The following THSD4 variants were observed in gnomAD, a reference collection of about 807,000 sequenced individuals.
THSD4 encodes thrombospondin type 1 domain containing 4, also known as thrombospondin type-1 domain-containing protein 4.
A neutral mutation model predicts 119.0 loss-of-function variants in THSD4; 69 were observed. That is an observed-to-expected ratio of 0.58 (90% CI 0.48 to 0.71). The LOEUF is 0.71. Ranked by LOEUF, THSD4 falls within the 30% of genes least tolerant of loss-of-function variation. The pLI is 0.00. For synonymous variants in THSD4, 524 were observed against 540.4 expected (o/e 0.97, Z 0.42); for missense variants, 1,393 against 1,391.1 (o/e 1.00, Z -0.02).
chr15:71,407,447 T>A (rs1164850684), intron 6 of THSD4, among the ~76,000 whole-genome samples: 1 of 152,204 alleles, frequency 6.6e-6, no homozygotes, highest in Non-Finnish European at 1.5e-5. Context: ...TTATTACTTT[T>A]TAAAAACTCT....
chr15:71,341,047 C>A, intron 6 of THSD4: 1 of 762,502 alleles, frequency 1.3e-6, no homozygotes, highest in Non-Finnish European at 2.1e-6. Context: ...CCTCTCTCTC[C>A]CATTTCTTTT....
chr15:71,299,978 T>A (rs3985599), intron 6 of THSD4, among the ~76,000 whole-genome samples: 873 of 33,248 alleles, frequency 0.026, 4 homozygotes, highest in Non-Finnish European at 0.039. Flanking sequence ...AAAAAAAAAA[T>A]ATATATATAT....
rs77445759 is a variant in THSD4, at chr15:71,364,630, T to C, written c.1016-47057T>C. Among the ~76,000 whole-genome samples, 358 of 152,364 alleles carry C rather than the reference T, an allele frequency of 2.3e-3. 4 individuals are homozygous for C. Among genetic ancestry groups the C allele is most frequent in the African/African-American group, 8.1e-3 (337 of 41,588 alleles). ...AGGTGACCTGTGTGTCAATTCCTAA[T>C]GGGTGAGTAGCTGTTTTGTACATCA... On this transcript the variant is annotated intron_variant, in intron 6 of 17. Coordinates refer to ENST00000261862, the MANE Select transcript of THSD4 (RefSeq NM_024817.3).
intron 11 of THSD4, among the ~76,000 whole-genome samples, chr15:71,738,765 G>C (rs767137665): frequency 6.6e-6 from 1 of 152,004 alleles, no homozygotes; most frequent in Non-Finnish European, 1.5e-5. Flanking sequence ...TCTCGTCTAG[G>C]TATGCAGCTC....
At chr15:71,642,607 A>C (rs2050882596) in intron 7 of THSD4, among the ~76,000 whole-genome samples, 1 of 152,230 alleles carries the variant, frequency 6.6e-6, no homozygotes, top group Non-Finnish European at 1.5e-5. Context: ...ACACCATGGA[A>C]TACTATGCAG....
intron 8 of THSD4, among the ~76,000 whole-genome samples, chr15:71,678,111 C>G (rs1374853270): frequency 6.6e-6 from 1 of 152,208 alleles, no homozygotes; most frequent in African/African-American, 2.4e-5. Flanking sequence ...GTGGTTAACA[C>G]TGTCCCTAGA....
chr15:71,197,316 C>T (rs1021520713), intron 3 of THSD4, among the ~76,000 whole-genome samples: 3 of 152,170 alleles, frequency 2.0e-5, no homozygotes, highest in African/African-American at 7.2e-5. Context: ...GGCCTTCCTG[C>T]CAGATGCAGG....
intron 4 of THSD4, among the ~76,000 whole-genome samples, chr15:71,235,746 C>T (rs892351927): frequency 2.6e-5 from 4 of 152,066 alleles, no homozygotes; most frequent in South Asian, 2.1e-4. Context: ...GCACCCATCA[C>T]GCCTGGCCAA....
At chr15:71,136,254 T>C (rs2040551342) in intron 1 of THSD4, among the ~76,000 whole-genome samples, 1 of 152,134 alleles carries the variant, frequency 6.6e-6, no homozygotes, top group African/African-American at 2.4e-5. Flanking sequence ...ACTGCCCTGA[T>C]GTCGGGAGCC....
chr15:71,249,114 T>TAC (rs201802246), intron 5 of THSD4, among the ~76,000 whole-genome samples: 227 of 152,018 alleles, frequency 1.5e-3, no homozygotes, highest in Non-Finnish European at 2.4e-3. Flanking sequence ...CATATATATA[T>TAC]ACACACACAC....
At chr15:71,101,530 A>G (rs957478594) in intron 1 of THSD4, among the ~76,000 whole-genome samples, 43 of 152,046 alleles carry the variant, frequency 2.8e-4, no homozygotes, top group African/African-American at 1.0e-3. Context: ...TTTCATTACT[A>G]TTGTTAAAGT....
intron 14 of THSD4, among the ~76,000 whole-genome samples, chr15:71,751,037 G>A (rs1270372965): frequency 6.6e-6 from 1 of 152,188 alleles, no homozygotes; most frequent in Non-Finnish European, 1.5e-5. Context: ...AGCTCAAGGT[G>A]TCAAGAGGTC....
At chr15:71,637,163 AGGC>A (rs1185574409) in intron 7 of THSD4, among the ~76,000 whole-genome samples, 3 of 152,226 alleles carry the variant, frequency 2.0e-5, no homozygotes, top group African/African-American at 7.2e-5. Context: ...CTGGGAATAC[AGGC>A]GTGAGCCACA....
intron 7 of THSD4, among the ~76,000 whole-genome samples, chr15:71,463,917 G>C (rs2047461468): frequency 6.6e-6 from 1 of 152,136 alleles, no homozygotes; most frequent in African/African-American, 2.4e-5. Context: ...CCTGTCATAT[G>C]TTCCTGTGCA....
At chr15:71,541,226 C>T (rs1567027584) in intron 7 of THSD4, among the ~76,000 whole-genome samples, 1 of 152,002 alleles carries the variant, frequency 6.6e-6, no homozygotes, top group Non-Finnish European at 1.5e-5. Context: ...CAACATCAAC[C>T]CAACATAAAA....
At chr15:71,250,262 C>A (rs2140281800) in intron 5 of THSD4, among the ~76,000 whole-genome samples, 1 of 152,282 alleles carries the variant, frequency 6.6e-6, no homozygotes, top group Admixed American at 6.5e-5. Flanking sequence ...GGGAAGGAAG[C>A]CAGTCTTATT....
intron 2 of THSD4, among the ~76,000 whole-genome samples, chr15:71,145,352 G>A (rs1281736427): frequency 2.0e-5 from 3 of 152,182 alleles, no homozygotes; most frequent in African/African-American, 7.2e-5. Context: ...TGTAATGAGA[G>A]TGATTACAGA....
intron 7 of THSD4, among the ~76,000 whole-genome samples, chr15:71,466,628 A>G (rs1216336663): frequency 6.6e-6 from 1 of 152,144 alleles, no homozygotes; most frequent in Non-Finnish European, 1.5e-5. Flanking sequence ...CCCTTGGTAG[A>G]AGCCTCCATC....
intron 7 of THSD4, among the ~76,000 whole-genome samples, chr15:71,422,181 G>A (rs2046817465): frequency 6.6e-6 from 1 of 152,100 alleles, no homozygotes; most frequent in African/African-American, 2.4e-5. Flanking sequence ...GTTTGGTGAG[G>A]TCATGTTTTC....
Sources: allele counts gnomAD v4.1 joint callset (sites outside exome capture counted in the v4.1 genomes callset), GRCh38; gene constraint gnomAD v4.1.1; transcripts MANE v1.5; gene names NCBI Gene and HGNC (gene_info 2026-07-23, HGNC 2026-07-21).